Variants in CHD9 observed in about 807,000 individuals in gnomAD.
CHD9 encodes chromodomain helicase DNA binding protein 9, also known as ATP-dependent chromatin remodeler CHD9.
A neutral mutation model predicts 316.1 loss-of-function variants in CHD9; 77 were observed. The ratio of observed to expected loss-of-function variants is 0.24; its 90% CI spans 0.20 to 0.29. The LOEUF is 0.29. Among genes scored for constraint, CHD9 ranks in the 10% least tolerant of loss-of-function variants. The pLI is 1.00. For missense variants in CHD9, 2,763 were observed against 3,438.1 expected (o/e 0.80, Z 4.91); for synonymous variants, 1,129 against 1,158.3 (o/e 0.97, Z 0.51).
chr16:53,315,591 ACCTCAGTCT>A (rs1376339919), intron 36 of CHD9, among the ~76,000 whole-genome samples: 1 of 151,768 alleles, frequency 6.6e-6, no homozygotes, highest in African/African-American at 2.4e-5. Flanking sequence ...CGATTCTCCC[ACCTCAGTCT>A]CCTGAGTAGC....
intron 19 of CHD9, among the ~76,000 whole-genome samples, chr16:53,256,484 G>A (rs1261399335): frequency 2.1e-5 from 3 of 141,974 alleles, no homozygotes; most frequent in Non-Finnish European, 3.0e-5. Context: ...CACCATGCCC[G>A]GCTAATTTTT....
chr16:53,253,609 T>G (rs1486310026), intron 17 of CHD9, among the ~76,000 whole-genome samples: 2 of 152,134 alleles, frequency 1.3e-5, no homozygotes, highest in Non-Finnish European at 2.9e-5. Flanking sequence ...CCAGCTTAAA[T>G]AAAATATATT....
chr16:53,238,948 C>T (rs1037461880), intron 12 of CHD9, among the ~76,000 whole-genome samples: 4 of 151,932 alleles, frequency 2.6e-5, no homozygotes, highest in South Asian at 2.1e-4. Context: ...GCTTTTTTCC[C>T]GTCATTTAAA....
chr16:53,319,881 C>A, intron 37 of CHD9: 1 of 1,152,992 alleles, frequency 8.7e-7, no homozygotes, highest in Non-Finnish European at 1.1e-6. Context: ...CCCAAGAGGG[C>A]CTCCATTTTC....
intron 2 of CHD9, among the ~76,000 whole-genome samples, chr16:53,201,107 C>T (rs758192369): frequency 6.6e-6 from 1 of 152,082 alleles, no homozygotes; most frequent in Non-Finnish European, 1.5e-5. Context: ...AAAACCCATG[C>T]CCTTAATCAC....
intron 2 of CHD9, among the ~76,000 whole-genome samples, chr16:53,184,441 A>G (rs114134859): frequency 6.6e-6 from 1 of 152,052 alleles, no homozygotes; most frequent in African/African-American, 2.4e-5. Context: ...GGCTCAAGCT[A>G]TCCTCTCACC....
At chr16:53,153,692 AT>A (rs920894334) in intron 1 of CHD9, among the ~76,000 whole-genome samples, 22 of 149,786 alleles carry the variant, frequency 1.5e-4, no homozygotes, top group Non-Finnish European at 2.4e-4. Flanking sequence ...TGCCTGGCTA[AT>A]TTTTTTTTTA....
At chr16:53,200,431 C>T (rs1017922003) in intron 2 of CHD9, among the ~76,000 whole-genome samples, 2 of 150,398 alleles carry the variant, frequency 1.3e-5, no homozygotes, top group East Asian at 2.0e-4. Flanking sequence ...TACCTGTAAT[C>T]CCCGCTACTT....
intron 3 of CHD9, among the ~76,000 whole-genome samples, chr16:53,210,429 A>G (rs1213968588): frequency 6.6e-6 from 1 of 152,124 alleles, no homozygotes; most frequent in East Asian, 1.9e-4. Flanking sequence ...AGAGAATTAT[A>G]AGGACAAAGA....
chr16:53,214,999 G>A (rs140483108), intron 3 of CHD9, among the ~76,000 whole-genome samples: 2,523 of 149,798 alleles, frequency 0.017, 80 homozygotes, highest in African/African-American at 0.059. Context: ...TGCAAGCTCC[G>A]CCTCCCAGGT....
At chr16:53,223,997 G>T (rs1219239382) in intron 4 of CHD9, among the ~76,000 whole-genome samples, 1 of 152,012 alleles carries the variant, frequency 6.6e-6, no homozygotes, top group African/African-American at 2.4e-5. Flanking sequence ...TATATTTAGA[G>T]ACCTAAATTA....
intron 10 of CHD9, 59 bp downstream of exon 10, chr16:53,231,843 A>T: frequency 5.2e-6 from 7 of 1,354,106 alleles, no homozygotes; most frequent in Non-Finnish European, 6.1e-6. Flanking sequence ...GTAAGTTATG[A>T]TATTGCTAAT....
intron 17 of CHD9, 70 bp from the exon 18 acceptor site, chr16:53,254,368 C>A: frequency 1.8e-6 from 2 of 1,092,014 alleles, no homozygotes; most frequent in South Asian, 2.4e-5. Flanking sequence ...TGTTTATATG[C>A]CATACATATA....
intron 2 of CHD9, among the ~76,000 whole-genome samples, chr16:53,159,572 A>C (rs529106153): frequency 6.6e-6 from 1 of 152,214 alleles, no homozygotes; most frequent in South Asian, 2.1e-4. Context: ...GAAAAAGAAA[A>C]AATCTTTGTC....
At chr16:53,321,214 G>A (rs1215216698) in intron 37 of CHD9, 11 of 1,317,708 alleles carry the variant, frequency 8.3e-6, no homozygotes, top group South Asian at 1.2e-5. Flanking sequence ...AGTTCACATA[G>A]CTGGTAAGTC....
intron 1 of CHD9, among the ~76,000 whole-genome samples, chr16:53,116,898 A>G (rs1327256319): frequency 6.6e-6 from 1 of 152,216 alleles, no homozygotes; most frequent in African/African-American, 2.4e-5. Flanking sequence ...CAGCCATAAA[A>G]AGGAACAAGA....
chr16:53,060,828 G>A (rs1401512751), intron 1 of CHD9, among the ~76,000 whole-genome samples: 1 of 152,054 alleles, frequency 6.6e-6, no homozygotes, highest in Admixed American at 6.6e-5. Flanking sequence ...AGCTGACGGG[G>A]GAGGATCACT....
intron 30 of CHD9, among the ~76,000 whole-genome samples, chr16:53,301,463 T>C (rs1176626819): frequency 3.3e-5 from 5 of 152,248 alleles, no homozygotes; most frequent in African/African-American, 1.2e-4. Flanking sequence ...ATTTATGTCC[T>C]CACAATCCAG....
rs532421219 is a variant in CHD9, at chr16:53,154,766, G to A, written c.-164-1160G>A. 4.6e-5 allele frequency among the ~76,000 whole-genome samples: 7 copies of A among 152,278 alleles called. No homozygotes were observed. In the East Asian group the frequency reaches 9.6e-4, roughly 21 times the overall value. On this transcript the variant is annotated intron_variant, in intron 1 of 38. Transcript: ENST00000447540. ...GCTGACCTGCTGCTCATCTCCTGCC[G>A]TGCAGCCTGGTTTCTAACAGGCCAC...
Sources: allele counts gnomAD v4.1 joint callset (sites outside exome capture counted in the v4.1 genomes callset), GRCh38; gene constraint gnomAD v4.1.1; transcripts MANE v1.5; gene names NCBI Gene and HGNC (gene_info 2026-07-23, HGNC 2026-07-21).